NHLH1: variants seen among roughly 807,000 people sequenced by gnomAD.
The protein encoded by NHLH1 is helix-loop-helix protein 1.
In NHLH1, 3 loss-of-function variants were observed where a neutral mutation model predicts 6.7. The ratio of observed to expected loss-of-function variants is 0.44; its 90% CI spans 0.20 to 1.15. NHLH1 has a LOEUF of 1.15. Ranked by LOEUF, NHLH1 falls within the 50% of genes most tolerant of loss-of-function variation. NHLH1 has a pLI of 0.26. For synonymous variants in NHLH1, 92 were observed against 84.2 expected (o/e 1.09, Z -0.51); for missense variants, 177 against 189.5 (o/e 0.93, Z 0.39).
At position 160,370,860 on chromosome 1, in the gene NHLH1, C is replaced by A. The variant is rs1349578409; in HGVS notation, c.129C>A (p.Gly43=). 1 of 1,605,574 alleles carries A rather than the reference C, an allele frequency of 6.2e-7. No homozygotes were observed. Among genetic ancestry groups the A allele is most frequent in the Non-Finnish European group, 8.5e-7 (1 of 1,176,550 alleles). The change falls in exon 2 of 2, where the codon GGC becomes GGA. Residue 43 remains glycine, a synonymous_variant. Transcript: ENST00000302101. ...CCGGGCCTGGGGGTCCGGGAGGGGGCCAGGCCCGAGGCCCAGAGCCGGGAG... is the reference window on the plus strand; with the variant it reads ...CCGGGCCTGGGGGTCCGGGAGGGGGACAGGCCCGAGGCCCAGAGCCGGGAG... ...DGAGPGGPGG[G]QARGPEPGEP...
Position 160,370,568 on chromosome 1 carries a change from G to A in NHLH1, c.-164G>A, listed in dbSNP as rs368691494. 1.6e-5 allele frequency: 10 copies of A among 638,196 alleles called. No individual in the cohort carries two copies. The highest frequency in any genetic ancestry group is 5.8e-5 in the East Asian group (2 of 34,770). The allele number at this position is 638,196 out of a possible 1,614,324, so 39.5% of individuals were successfully genotyped here. On this transcript the variant is annotated 5_prime_UTR_variant, in exon 2 of 2. Coordinates refer to ENST00000302101, the MANE Select transcript of NHLH1 (RefSeq NM_005598.4). ...CTTCTCTTTTTCAGGCTTCAGACTG[G>A]CACCCTGACCATGGAACCCTGAAGT...
chr1:160,368,834 A>G (rs765163401), intron 1 of NHLH1, among the ~76,000 whole-genome samples: 6 of 152,194 alleles, frequency 3.9e-5, no homozygotes, highest in Non-Finnish European at 8.8e-5. Context: ...CCACAGGGCC[A>G]AGGCTTGTAT....
rs574107921 is a variant in NHLH1 at position 160,371,227 on chromosome 1, T to C, written c.*94T>C. 2.1e-5 allele frequency: 31 copies of C among 1,499,546 alleles called. No homozygotes were observed. In the African/African-American group the frequency reaches 4.1e-4, roughly 20 times the overall value. The allele number at this position is 1,499,546 out of a possible 1,614,324, so 92.9% of individuals were successfully genotyped here. ...CGCATCCTCCCCGAGCCCTTATACC[T>C]TGGCATGGAGTCCCAAAGGCCCTGG... On this transcript the variant is annotated 3_prime_UTR_variant, in exon 2 of 2. Coordinates refer to ENST00000302101, the MANE Select transcript of NHLH1 (RefSeq NM_005598.4).
chr1:160,370,090 T>G (rs1172264409), intron 1 of NHLH1, among the ~76,000 whole-genome samples: 1 of 152,234 alleles, frequency 6.6e-6, no homozygotes, highest in Non-Finnish European at 1.5e-5. Context: ...ACTCTGTTGA[T>G]TATGTTCGTC....
rs147597945 is a variant in NHLH1 at position 160,371,015 on chromosome 1, T to A, written c.284T>A (p.Phe95Tyr). ...CGCGTGGAAGCCTTCAACCTGGCCT[T>A]CGCCGAGCTGCGCAAGCTGCTGCCT... is the stretch of plus-strand genomic sequence containing the variant. ...RIRVEAFNLA[F>Y]AELRKLLPTL... The change falls in exon 2 of 2, where the codon TTC becomes TAC. Residue 95 changes from phenylalanine (F) to tyrosine (Y), a missense_variant. Transcript: ENST00000302101. The A allele has an allele frequency of 6.2e-7, 1 of 1,614,006 alleles. No homozygotes were observed. The highest frequency in any genetic ancestry group is 8.5e-7 in the Non-Finnish European group (1 of 1,179,962).
Position 160,370,699 on chromosome 1 carries a change from G to A in NHLH1, c.-33G>A. The A allele has an allele frequency of 1.2e-6, 2 of 1,606,430 alleles. No individual in the cohort carries two copies. The highest frequency in any genetic ancestry group is 1.7e-6 in the Non-Finnish European group (2 of 1,176,320). On this transcript the variant is annotated 5_prime_UTR_variant, in exon 2 of 2. Coordinates refer to ENST00000302101, the MANE Select transcript of NHLH1 (RefSeq NM_005598.4). ...CTCCCAGAGGGAGGGGTGGGGAGGG[G>A]ATCCTGATCTCACAGGGCAGGGGGC... is the stretch of plus-strand genomic sequence containing the variant.
At chr1:160,370,423 C>T (rs1649596450) in intron 1 of NHLH1, 134 bp from the exon 2 acceptor site, 1 of 207,238 alleles carries the variant, frequency 4.8e-6, no homozygotes. Flanking sequence ...CCGACCCCCA[C>T]CAGTTTCTGC....
Position 160,371,119 on chromosome 1 carries a change from G to T in NHLH1, c.388G>T (p.Val130Leu). Residue 130 changes from valine to leucine, a missense_variant, in exon 2 of 2, where the codon GTG becomes TTG. Val to Leu is a conservative substitution (Grantham distance 32). Transcript: ENST00000302101. Reference protein sequence around the residue: ...AICYISYLNHVLDV With the variant: ...AICYISYLNHLLDV ...CTGCTATATCTCCTACCTGAACCAC[G>T]TGCTGGACGTCTGAACTCAGCCTGT... is the stretch of plus-strand genomic sequence containing the variant. 6.2e-7 allele frequency: 1 copy of T among 1,609,084 alleles called. No individual in the cohort carries two copies. Among genetic ancestry groups the T allele is most frequent in the African/African-American group, 1.3e-5 (1 of 74,758 alleles).
At position 160,372,664 on chromosome 1, in the gene NHLH1, A is replaced by G. The variant is rs1649656347; in HGVS notation, c.*1531A>G. The stretch of plus-strand genomic sequence containing the variant: ...TCCTCAACTCCCTCCACCCCTAGAC[A>G]ATCCTACCTGGTCCCATCTGCCTCT... On this transcript the variant is annotated 3_prime_UTR_variant, in exon 2 of 2. Transcript: ENST00000302101. 6.0e-6 allele frequency: 1 copy of G among 166,886 alleles called. No homozygotes were observed. The highest frequency in any genetic ancestry group is 2.4e-5 in the African/African-American group (1 of 41,290). 10.3% of individuals were successfully genotyped at this position (166,886 alleles called of 1,614,324 possible).
Position 160,370,717 on chromosome 1 carries a change from C to A in NHLH1, c.-15C>A. 1 of 1,611,682 alleles carries A rather than the reference C, an allele frequency of 6.2e-7. No homozygotes were observed. Among genetic ancestry groups the A allele is most frequent in the Non-Finnish European group, 8.5e-7 (1 of 1,179,144 alleles). ...GGGAGGGGATCCTGATCTCACAGGG[C>A]AGGGGGCTTCCATCATGATGCTCAA... On this transcript the variant is annotated 5_prime_UTR_variant, in exon 2 of 2. Coordinates refer to ENST00000302101, the MANE Select transcript of NHLH1 (RefSeq NM_005598.4).
rs112828739 is a variant in NHLH1 at position 160,372,704 on chromosome 1, C to T, written c.*1571C>T. 9.6e-4 allele frequency: 161 copies of T among 167,358 alleles called. No homozygotes were observed. Among genetic ancestry groups the T allele is most frequent in the African/African-American group, 3.6e-3 (148 of 41,554 alleles). The allele number at this position is 167,358 out of a possible 1,614,324, so 10.4% of individuals were successfully genotyped here. A position where few individuals can be genotyped will look rare whatever the true frequency, so the allele number is the denominator to read the frequency against. ...CATCTGCCTCTTTTCTCTCCCCAGCCTGCCCTGTGACCCTTGCCTCTTCCT... is the reference window on the plus strand; with the variant it reads ...CATCTGCCTCTTTTCTCTCCCCAGCTTGCCCTGTGACCCTTGCCTCTTCCT... On this transcript the variant is annotated 3_prime_UTR_variant, in exon 2 of 2. Transcript: ENST00000302101.
At position 160,371,917 on chromosome 1, in the gene NHLH1, C is replaced by A. The variant is rs553794220; in HGVS notation, c.*784C>A. 1 of 166,896 alleles carries A rather than the reference C, an allele frequency of 6.0e-6. No individual in the cohort carries two copies. Among genetic ancestry groups the A allele is most frequent in the Non-Finnish European group, 1.5e-5 (1 of 68,084 alleles). The allele number at this position is 166,896 out of a possible 1,614,324, so 10.3% of individuals were successfully genotyped here. On this transcript the variant is annotated 3_prime_UTR_variant, in exon 2 of 2. Coordinates refer to ENST00000302101, the MANE Select transcript of NHLH1 (RefSeq NM_005598.4). The stretch of plus-strand genomic sequence containing the variant: ...AAAAAAAAAACAAAAACCTAGATTC[C>A]GGATTAGGGGATGACATCCCAAACA...
Position 160,370,865 on chromosome 1 carries a change from C to T in NHLH1, c.134C>T (p.Ala45Val), listed in dbSNP as rs1280748363. The change falls in exon 2 of 2, where the codon GCC (alanine) becomes GTC (valine). Residue 45 changes from alanine (A) to valine (V), a missense_variant. Ala to Val is a moderately conservative substitution (Grantham distance 64). Transcript: ENST00000302101. ...CCTGGGGGTCCGGGAGGGGGCCAGGCCCGAGGCCCAGAGCCGGGAGAGCCT... is the reference window on the plus strand; with the variant it reads ...CCTGGGGGTCCGGGAGGGGGCCAGGTCCGAGGCCCAGAGCCGGGAGAGCCT... ...AGPGGPGGGQ[A>V]RGPEPGEPGR... is the part of the protein sequence containing the mutation. 5 of 1,605,874 alleles carry T rather than the reference C, an allele frequency of 3.1e-6. No individual in the cohort carries two copies. Among genetic ancestry groups the T allele is most frequent in the Admixed American group, 1.7e-5 (1 of 59,098 alleles).
Position 160,371,210 on chromosome 1 carries a change from C to T in NHLH1, c.*77C>T. On this transcript the variant is annotated 3_prime_UTR_variant, in exon 2 of 2. Transcript: ENST00000302101. ...TCACTGCTTAGAAAGGCCGCATCCT[C>T]CCCGAGCCCTTATACCTTGGCATGG... The T allele has an allele frequency of 6.6e-7, 1 of 1,522,662 alleles. No homozygotes were observed. Among genetic ancestry groups the T allele is most frequent in the Admixed American group, 2.2e-5 (1 of 45,658 alleles). The allele number at this position is 1,522,662 out of a possible 1,614,324, so 94.3% of individuals were successfully genotyped here. A position where few individuals can be genotyped will look rare whatever the true frequency, so the allele number is the denominator to read the frequency against.
At position 160,371,159 on chromosome 1, in the gene NHLH1, G is replaced by T; in HGVS notation, c.*26G>T. 6.3e-7 allele frequency: 1 copy of T among 1,577,390 alleles called. No homozygotes were observed. ...ACTCAGCCTGTCTCCCACCTCCCGG[G>T]CCTCTCTGGGGCCCCTTTCCACCGC... is the stretch of plus-strand genomic sequence containing the variant. On this transcript the variant is annotated 3_prime_UTR_variant, in exon 2 of 2. Transcript: ENST00000302101.
At chr1:160,368,739 C>T (rs1466367580) in intron 1 of NHLH1, among the ~76,000 whole-genome samples, 1 of 152,132 alleles carries the variant, frequency 6.6e-6, no homozygotes, top group Non-Finnish European at 1.5e-5. Flanking sequence ...ATGTCCTAGT[C>T]TATTCTACAA....
intron 1 of NHLH1, among the ~76,000 whole-genome samples, chr1:160,369,338 A>G (rs1649569020): frequency 6.6e-6 from 1 of 152,166 alleles, no homozygotes; most frequent in South Asian, 2.1e-4. Flanking sequence ...TCTGTTGTCT[A>G]TTGATGGACA....
In NHLH1 at chr1:160,372,748, C is replaced by G. The variant is rs1649658156; in HGVS notation, c.*1615C>G. 1 of 166,886 alleles carries G rather than the reference C, an allele frequency of 6.0e-6. No individual in the cohort carries two copies. Among genetic ancestry groups the G allele is most frequent in the African/African-American group, 2.4e-5 (1 of 41,432 alleles). The allele number at this position is 166,886 out of a possible 1,614,324, so 10.3% of individuals were successfully genotyped here. On this transcript the variant is annotated 3_prime_UTR_variant, in exon 2 of 2. Coordinates refer to ENST00000302101, the MANE Select transcript of NHLH1 (RefSeq NM_005598.4). ...TCTTCCTGATACTCCCAAGAGCAGG[C>G]CCCAGGGGTCTGTGTCACATATCTC...
In NHLH1 at chr1:160,371,190, G is replaced by T; in HGVS notation, c.*57G>T. 1.3e-6 allele frequency: 2 copies of T among 1,537,612 alleles called. No homozygotes were observed. Among genetic ancestry groups the T allele is most frequent in the Non-Finnish European group, 1.7e-6 (2 of 1,144,742 alleles). On this transcript the variant is annotated 3_prime_UTR_variant, in exon 2 of 2. Transcript: ENST00000302101. Reference sequence around the variant, plus strand: ...CTGGGGCCCCTTTCCACCGCTCACTGCTTAGAAAGGCCGCATCCTCCCCGA... The same window carrying T: ...CTGGGGCCCCTTTCCACCGCTCACTTCTTAGAAAGGCCGCATCCTCCCCGA...
Sources: gnomAD v4.1 joint callset for allele counts (sites outside exome capture counted in the v4.1 genomes callset) on GRCh38, gnomAD v4.1.1 for gene constraint, MANE v1.5 for transcripts, NCBI Gene and HGNC (gene_info 2026-07-23, HGNC 2026-07-21) for gene names.